COLEC10: variants seen among roughly 807,000 people sequenced by gnomAD.
COLEC10 encodes collectin subfamily member 10.
A neutral mutation model predicts 28.4 loss-of-function variants in COLEC10; 22 were observed. That is an observed-to-expected ratio of 0.78 (90% CI 0.55 to 1.11). The LOEUF (loss-of-function observed/expected upper bound fraction) is 1.11. Ranked by LOEUF, COLEC10 falls within the 50% of genes least tolerant of loss-of-function variation. COLEC10 has a pLI of 0.00. For synonymous variants in COLEC10, 125 were observed against 116.1 expected (o/e 1.08, Z -0.49); for missense variants, 361 against 344.1 (o/e 1.05, Z -0.39).
intron 3 of COLEC10, among the ~76,000 whole-genome samples, chr8:119,091,593 GAGAGAAAGAA>G (rs1170697313): frequency 4.9e-4 from 42 of 86,106 alleles, no homozygotes; most frequent in Middle Eastern, 8.1e-3. Context: ...GAGAGAGAGA[GAGAGAAAGAA>G]AGAAAGAAAG....
intron 2 of COLEC10, among the ~76,000 whole-genome samples, chr8:119,024,885 A>T (rs940082284): frequency 6.6e-6 from 1 of 152,116 alleles, no homozygotes; most frequent in African/African-American, 2.4e-5. Flanking sequence ...TTGAAAGGGG[A>T]TTTAGGATTT....
chr8:119,000,790 A>C (rs185571973), intron 1 of COLEC10, among the ~76,000 whole-genome samples: 1 of 152,308 alleles, frequency 6.6e-6, no homozygotes, highest in Admixed American at 6.5e-5. Flanking sequence ...GAGACAAAGC[A>C]GGGGAAAAGA....
chr8:118,981,964 C>T, the COLEC10 span, among the ~76,000 whole-genome samples: 1 of 151,092 alleles, frequency 6.6e-6, no homozygotes, highest in Non-Finnish European at 1.5e-5. Context: ...CACATCTATT[C>T]TCCGTATGAC....
chr8:119,097,252 G>C (rs1426469227), intron 3 of COLEC10, among the ~76,000 whole-genome samples: 1 of 151,628 alleles, frequency 6.6e-6, no homozygotes, highest in South Asian at 2.1e-4. Context: ...ACTTTTCTTT[G>C]TGTTTTTTTT....
intron 2 of COLEC10, among the ~76,000 whole-genome samples, chr8:119,053,773 C>A (rs1328992125): frequency 6.6e-6 from 1 of 151,980 alleles, no homozygotes; most frequent in East Asian, 1.9e-4. Context: ...TCCTTCAGTT[C>A]TTGATTTAGT....
intron 3 of COLEC10, among the ~76,000 whole-genome samples, chr8:119,094,996 A>C (rs932425375): frequency 3.3e-5 from 5 of 152,190 alleles, no homozygotes; most frequent in Non-Finnish European, 5.9e-5. Flanking sequence ...TGAGGTTCTA[A>C]TCACAGCAAA....
chr8:119,005,118 C>G (rs1389383441), intron 1 of COLEC10, among the ~76,000 whole-genome samples: 1 of 152,066 alleles, frequency 6.6e-6, no homozygotes, highest in African/African-American at 2.4e-5. Flanking sequence ...AAGTGTCCAG[C>G]TTAATTTCAC....
intron 2 of COLEC10, among the ~76,000 whole-genome samples, chr8:119,033,573 T>C (rs184402229): frequency 2.6e-5 from 4 of 152,016 alleles, no homozygotes; most frequent in Admixed American, 2.0e-4. Context: ...CATCAAAAAG[T>C]GGGCCAAGGT....
intron 2 of COLEC10, among the ~76,000 whole-genome samples, chr8:119,015,022 T>G (rs1434417900): frequency 6.6e-6 from 1 of 151,236 alleles, no homozygotes; most frequent in Non-Finnish European, 1.5e-5. Flanking sequence ...TAGTTTTTAT[T>G]AAAGAATTCC....
At chr8:119,049,752 G>T (rs565968940) in intron 2 of COLEC10, among the ~76,000 whole-genome samples, 2 of 152,102 alleles carry the variant, frequency 1.3e-5, no homozygotes, top group South Asian at 4.1e-4. Flanking sequence ...CTACATTATT[G>T]GTTCTGAAAG....
intron 1 of COLEC10, among the ~76,000 whole-genome samples, chr8:118,999,978 T>G (rs1347065692): frequency 6.6e-6 from 1 of 151,962 alleles, no homozygotes; most frequent in East Asian, 1.9e-4. Flanking sequence ...AAATGATAGG[T>G]GATATGAAGG....
the COLEC10 span, among the ~76,000 whole-genome samples, chr8:118,989,270 C>T: frequency 6.6e-6 from 1 of 151,982 alleles, no homozygotes; most frequent in African/African-American, 2.4e-5. Context: ...GATCAGTGAA[C>T]TTGAACATAG....
At chr8:118,979,467 A>G in the COLEC10 span, among the ~76,000 whole-genome samples, 1 of 152,116 alleles carries the variant, frequency 6.6e-6, no homozygotes, top group East Asian at 1.9e-4. Context: ...AACAATAATA[A>G]TAATAATAAT....
At chr8:119,064,896 C>T (rs1456798534), upstream of COLEC10, among the ~76,000 whole-genome samples, 13 of 152,116 alleles carry the variant, frequency 8.5e-5, no homozygotes, top group South Asian at 2.7e-3. Flanking sequence ...GAAAGGACTA[C>T]TATCTAATCC....
intron 1 of COLEC10, among the ~76,000 whole-genome samples, chr8:118,997,558 G>A (rs918972672): frequency 6.6e-6 from 1 of 152,138 alleles, no homozygotes; most frequent in Non-Finnish European, 1.5e-5. Flanking sequence ...ATTTTTCAAT[G>A]AGAAACAGAT....
intron 1 of COLEC10, among the ~76,000 whole-genome samples, chr8:119,006,442 A>G (rs1234869437): frequency 6.6e-6 from 1 of 152,004 alleles, no homozygotes; most frequent in African/African-American, 2.4e-5. Flanking sequence ...TTCTAAATAA[A>G]CTACCTTCAC....
intron 1 of COLEC10, among the ~76,000 whole-genome samples, chr8:119,002,695 T>C (rs1813723723): frequency 6.6e-6 from 1 of 152,154 alleles, no homozygotes; most frequent in African/African-American, 2.4e-5. Flanking sequence ...ATATGGTCAA[T>C]TAAATTGTTT....
the COLEC10 span, among the ~76,000 whole-genome samples, chr8:118,988,800 A>G: frequency 6.6e-6 from 1 of 152,184 alleles, no homozygotes; most frequent in Non-Finnish European, 1.5e-5. Flanking sequence ...GAGGAATTAG[A>G]AACCTCTGAC....
rs538132471 is a variant in COLEC10, at chr8:119,084,340, C to A, written c.149-5340C>A. On this transcript the variant is annotated intron_variant, in intron 1 of 5. Coordinates refer to ENST00000332843, the MANE Select transcript of COLEC10 (RefSeq NM_006438.5). ...GACCCTCCCCTGGGCTTCATCAATACGTCATCCCACCTTTCCAGGAATTAC... is the reference window on the plus strand; with the variant it reads ...GACCCTCCCCTGGGCTTCATCAATAAGTCATCCCACCTTTCCAGGAATTAC... Among the ~76,000 whole-genome samples the A allele has an allele frequency of 2.0e-5, 3 of 152,192 alleles. No homozygotes were observed. In the South Asian group the frequency reaches 6.2e-4, roughly 31 times the overall value.
Sources: gnomAD v4.1 joint callset for allele counts (sites outside exome capture counted in the v4.1 genomes callset) on GRCh38, gnomAD v4.1.1 for gene constraint, MANE v1.5 for transcripts, NCBI Gene and HGNC (gene_info 2026-07-23, HGNC 2026-07-21) for gene names.